IL2RB: variants seen among roughly 807,000 people sequenced by gnomAD.
IL2RB encodes the protein interleukin-2 receptor subunit beta.
A neutral mutation model predicts 44.2 loss-of-function variants in IL2RB; 17 were observed. The observed-to-expected ratio is 0.38, with a 90% CI of 0.26 to 0.58. The LOEUF (loss-of-function observed/expected upper bound fraction) is 0.58, where lower values mean the gene tolerates loss of function less well. Among genes scored for constraint, IL2RB ranks in the 20% least tolerant of loss-of-function variants. The pLI, the probability that IL2RB is intolerant of heterozygous loss-of-function variation, is 0.63. For synonymous variants in IL2RB, 286 were observed against 297.9 expected, an observed-to-expected ratio of 0.96 and a Z score of 0.41; for missense variants, 624 against 685.5, an observed-to-expected ratio of 0.91 and a Z score of 1.00.
chr22:37,150,462 G>T (rs944919427), upstream of IL2RB, among the ~76,000 whole-genome samples: 6 of 152,052 alleles, frequency 3.9e-5, no homozygotes, highest in Non-Finnish European at 8.8e-5. Flanking sequence ...TGGGCATGTG[G>T]TAGGTGTCTA....
chr22:37,149,801 G>A (rs995204176), intron 1 of IL2RB, 24 bp downstream of exon 1: 74 of 974,680 alleles, frequency 7.6e-5, no homozygotes, highest in African/African-American at 3.2e-4. Context: ...CACAGGGGCC[G>A]GGAGGGAGGC....
Position 37,145,863 on chromosome 22 carries a change from G to A in IL2RB, c.-33-1658C>T, listed in dbSNP as rs3218351. 5.3e-5 allele frequency among the ~76,000 whole-genome samples: 8 copies of A among 152,020 alleles called. No individual in the cohort carries two copies. In the East Asian group the frequency reaches 7.7e-4, roughly 15 times the overall value. ...CCCCCGCTGTTCCCCCTTCTCCAGC[G>A]GCTCCAAACTCGAGCTCTCACTCCC... On this transcript the variant is annotated intron_variant, in intron 1 of 9. Coordinates refer to ENST00000216223, the MANE Select transcript of IL2RB (RefSeq NM_000878.5).
At chr22:37,167,322 G>A (rs1923117648) in intron 1 of IL2RB, among the ~76,000 whole-genome samples, 2 of 152,036 alleles carry the variant, frequency 1.3e-5, no homozygotes, top group Non-Finnish European at 2.9e-5. Flanking sequence ...CCCAGCCCCA[G>A]CCGGCACCCT....
intron 1 of IL2RB, among the ~76,000 whole-genome samples, chr22:37,161,366 C>T (rs778427177): frequency 7.2e-5 from 11 of 152,122 alleles, no homozygotes; most frequent in Non-Finnish European, 8.8e-5. Context: ...CATCTGGGTG[C>T]GCTGCATCTT....
At chr22:37,147,589 G>C (rs1478898706) in intron 1 of IL2RB, among the ~76,000 whole-genome samples, 2 of 152,212 alleles carry the variant, frequency 1.3e-5, no homozygotes, top group African/African-American at 4.8e-5. Context: ...ACTTGCCCAG[G>C]GTCATAAACA....
intron 1 of IL2RB, among the ~76,000 whole-genome samples, chr22:37,156,351 A>G (rs972731180): frequency 6.6e-6 from 1 of 152,240 alleles, no homozygotes. Flanking sequence ...GTGTCCAAAG[A>G]GAACAGAAGA....
chr22:37,148,652 C>T (rs545112882), intron 1 of IL2RB, among the ~76,000 whole-genome samples: 1 of 152,244 alleles, frequency 6.6e-6, no homozygotes, highest in East Asian at 1.9e-4. Context: ...CACTGCCTGC[C>T]CTGAGCGCTC....
rs1921112582 is a variant in IL2RB at position 37,126,408 on chromosome 22, T to G, written c.*1688A>C. On this transcript the variant is annotated 3_prime_UTR_variant, in exon 10 of 10. Transcript: ENST00000216223. The stretch of plus-strand genomic sequence containing the variant: ...GTATTGGGAACCCAAGGTCCTCTGC[T>G]TAGTGGCTCAACGCTTGTCTACCTT... 6.6e-6 allele frequency: 1 copy of G among 152,228 alleles called. No homozygotes were observed. Among genetic ancestry groups the G allele is most frequent in the Non-Finnish European group, 1.5e-5 (1 of 68,036 alleles). 9.4% of individuals were successfully genotyped at this position (152,228 alleles called of 1,614,324 possible). A position where few individuals can be genotyped will look rare whatever the true frequency, so the allele number is the denominator to read the frequency against.
At chr22:37,140,814 GC>G (rs1921930252) in intron 4 of IL2RB, among the ~76,000 whole-genome samples, 3 of 152,218 alleles carry the variant, frequency 2.0e-5, no homozygotes, top group Admixed American at 2.0e-4. Flanking sequence ...ACGGTGAGAA[GC>G]CTGAACTGGG....
chr22:37,150,048 C>A, upstream of IL2RB: 1 of 246,240 alleles, frequency 4.1e-6, no homozygotes, highest in Non-Finnish European at 6.5e-6. Context: ...CTCAAGCACC[C>A]AGGGCCAGAT....
At chr22:37,137,947 T>C (rs1402360384) in intron 5 of IL2RB, among the ~76,000 whole-genome samples, 1 of 151,814 alleles carries the variant, frequency 6.6e-6, no homozygotes, top group Non-Finnish European at 1.5e-5. Flanking sequence ...TGCATCCCCC[T>C]TGCCTGTTTC....
intron 8 of IL2RB, among the ~76,000 whole-genome samples, chr22:37,134,581 A>G (rs1921591963): frequency 6.6e-6 from 1 of 152,180 alleles, no homozygotes; most frequent in South Asian, 2.1e-4. Context: ...ACTCCAGCCT[A>G]GGTGACAGAG....
rs375780607 is a variant in IL2RB at position 37,135,442 on chromosome 22, G to A, written c.704C>T (p.Ala235Val). 7.5e-6 allele frequency: 12 copies of A among 1,601,462 alleles called. No individual in the cohort carries two copies. Among genetic ancestry groups the A allele is most frequent in the Non-Finnish European group, 1.0e-5 (12 of 1,168,800 alleles). ...CCACGGAATGGTGTCCTTCCCAAGG[G>A]CTGCCCAGGGGTGGGAGAAACAGCA... is the stretch of plus-strand genomic sequence containing the variant. Reference protein sequence around the residue: ...QPLAFRTKPAALGKDTIPWLG... With the variant: ...QPLAFRTKPAVLGKDTIPWLG... Residue 235 changes from alanine to valine, a missense_variant and splice_region_variant, in exon 8 of 10, where the codon GCC becomes GTC. By Grantham distance (64) the Ala-to-Val change is moderately conservative (BLOSUM62 0). This residue lies in a region of IL2RB where 255 missense variants were observed against 339.9 expected (regional missense o/e 0.75). Coordinates refer to ENST00000216223, the MANE Select transcript of IL2RB (RefSeq NM_000878.5).
chr22:37,134,468 C>T (rs564996954), intron 8 of IL2RB, among the ~76,000 whole-genome samples: 7 of 152,174 alleles, frequency 4.6e-5, no homozygotes, highest in South Asian at 2.1e-4. Flanking sequence ...TAGCAGAGCA[C>T]GGTGGCGTGT....
upstream of IL2RB, among the ~76,000 whole-genome samples, chr22:37,150,286 G>A (rs1280226311): frequency 1.3e-5 from 2 of 151,740 alleles, no homozygotes; most frequent in South Asian, 2.1e-4. Flanking sequence ...CCACTAATAC[G>A]TAGGCTTCAC....
chr22:37,162,063 G>A (rs2145737331), intron 1 of IL2RB: 1 of 152,358 alleles, frequency 6.6e-6, no homozygotes, highest in African/African-American at 2.4e-5. Flanking sequence ...TTTTGCAACT[G>A]AAGTTCCTGG....
chr22:37,151,429 T>G (rs545447327), upstream of IL2RB, among the ~76,000 whole-genome samples: 31 of 152,348 alleles, frequency 2.0e-4, no homozygotes, highest in Middle Eastern at 3.4e-3. Flanking sequence ...TTTTTTTCCA[T>G]AAAGATGTTT....
chr22:37,172,373 G>C (rs1923319682), intron 1 of IL2RB, among the ~76,000 whole-genome samples: 1 of 152,192 alleles, frequency 6.6e-6, no homozygotes, highest in African/African-American at 2.4e-5. Context: ...GGCTCCATCA[G>C]CTCCTGGCTG....
intron 6 of IL2RB, 97 bp downstream of exon 6, chr22:37,137,490 G>T: frequency 1.5e-6 from 2 of 1,323,944 alleles, no homozygotes; most frequent in Non-Finnish European, 1.1e-6. Context: ...CATCCACCTG[G>T]GGCTGAGGGG....
Sources: allele counts gnomAD v4.1 joint callset (sites outside exome capture counted in the v4.1 genomes callset), GRCh38; gene constraint gnomAD v4.1.1; regional missense constraint gnomAD v4.1.1; transcripts MANE v1.5; gene names NCBI Gene and HGNC (gene_info 2026-07-23, HGNC 2026-07-21).